The following RGS6 variants were observed in gnomAD, a reference collection of about 807,000 sequenced individuals.
The protein encoded by RGS6 is regulator of G protein signaling 6.
RGS6 carries 30 observed loss-of-function variants against 78.5 expected under a neutral mutation model. The ratio of observed to expected loss-of-function variants is 0.38; its 90% CI spans 0.29 to 0.52. RGS6 has a LOEUF of 0.52. RGS6 is among the 20% of genes least tolerant of loss of function. RGS6 has a pLI of 0.85. For missense variants in RGS6, 495 were observed against 609.7 expected, an observed-to-expected ratio of 0.81 and a Z score of 1.98; for synonymous variants, 206 against 206.0, an observed-to-expected ratio of 1.00 and a Z score of 0.00.
At chr14:72,625,378 G>C in the RGS6 span, among the ~76,000 whole-genome samples, 1 of 151,796 alleles carries the variant, frequency 6.6e-6, no homozygotes, top group South Asian at 2.1e-4. Context: ...TGGTCATTAC[G>C]GGTTCCTTCA....
At chr14:72,496,867 C>G (rs2096651919) in intron 13 of RGS6, among the ~76,000 whole-genome samples, 1 of 151,936 alleles carries the variant, frequency 6.6e-6, no homozygotes, top group Admixed American at 6.6e-5. Context: ...TATATATAGT[C>G]CAATAATTTT....
At chr14:72,096,280 T>TAAA (rs34691700) in intron 2 of RGS6, among the ~76,000 whole-genome samples, 1 of 144,168 alleles carries the variant, frequency 6.9e-6, no homozygotes, top group African/African-American at 2.5e-5. Context: ...GACTCTGTCT[T>TAAA]AAAAAAAAAA....
intron 3 of RGS6, among the ~76,000 whole-genome samples, chr14:72,444,586 G>C (rs555906287): frequency 6.6e-6 from 1 of 152,228 alleles, no homozygotes; most frequent in East Asian, 1.9e-4. Context: ...CCTCAGCGTG[G>C]GATCTACTCC....
At chr14:71,981,545 G>A (rs1384015495) in intron 2 of RGS6, among the ~76,000 whole-genome samples, 27 of 151,060 alleles carry the variant, frequency 1.8e-4, no homozygotes, top group Non-Finnish European at 2.2e-4. Flanking sequence ...TGCCCCTGCT[G>A]GGGGGTGCCT....
chr14:72,258,229 C>T (rs989939451), intron 2 of RGS6, among the ~76,000 whole-genome samples: 2 of 152,218 alleles, frequency 1.3e-5, no homozygotes, highest in Admixed American at 1.3e-4. Context: ...CTATGGTATA[C>T]ACCACTATAC....
intron 2 of RGS6, among the ~76,000 whole-genome samples, chr14:72,198,189 C>T (rs974979512): frequency 6.6e-6 from 1 of 151,990 alleles, no homozygotes; most frequent in Non-Finnish European, 1.5e-5. Flanking sequence ...GGCGAAACCC[C>T]ATCTCTACAA....
intron 2 of RGS6, among the ~76,000 whole-genome samples, chr14:71,996,978 A>T (rs1325212596): frequency 6.6e-6 from 1 of 152,152 alleles, no homozygotes; most frequent in Non-Finnish European, 1.5e-5. Flanking sequence ...CTTAGTTTTT[A>T]CATGATGAGG....
intron 2 of RGS6, among the ~76,000 whole-genome samples, chr14:72,110,273 G>A (rs1250261017): frequency 6.6e-6 from 1 of 152,194 alleles, no homozygotes; most frequent in East Asian, 1.9e-4. Flanking sequence ...CTCAGAGTAT[G>A]TTGTCCAAAA....
chr14:72,381,431 A>G lies in RGS6; in HGVS notation c.184+29237A>G, dbSNP rs140080751. ...CATAAATATGTACAATTTTTACATC[A>G]ATTTTTTAAATAAAATAAAACAACT... On this transcript the variant is annotated intron_variant, in intron 3 of 17. Transcript: ENST00000553525. Among the ~76,000 whole-genome samples the G allele has an allele frequency of 2.4e-3, 361 of 152,222 alleles. 3 individuals are homozygous for G. Among genetic ancestry groups the G allele is most frequent in the African/African-American group, 7.4e-3 (309 of 41,564 alleles).
chr14:71,988,429 G>A (rs1050541430), intron 2 of RGS6, among the ~76,000 whole-genome samples: 4 of 152,094 alleles, frequency 2.6e-5, no homozygotes, highest in Admixed American at 2.0e-4. Context: ...ATTTTGCAAT[G>A]GTTGAAAAAC....
chr14:72,550,912 T>G (rs1036921824), intron 17 of RGS6, among the ~76,000 whole-genome samples: 1 of 152,148 alleles, frequency 6.6e-6, no homozygotes, highest in African/African-American at 2.4e-5. Context: ...CAATCTCAGC[T>G]CACTGCAACC....
At chr14:72,553,670 AACTCTCTTC>A (rs2097535441) in intron 17 of RGS6, among the ~76,000 whole-genome samples, 1 of 152,240 alleles carries the variant, frequency 6.6e-6, no homozygotes, top group African/African-American at 2.4e-5. Context: ...TTGACCCAGT[AACTCTCTTC>A]TCCTAGTCCC....
chr14:72,198,937 C>T (rs1244792670), intron 2 of RGS6, among the ~76,000 whole-genome samples: 1 of 152,244 alleles, frequency 6.6e-6, no homozygotes. Context: ...ACAGAAATTA[C>T]TTCAGAAACG....
intron 15 of RGS6, among the ~76,000 whole-genome samples, chr14:72,529,908 G>A (rs902381107): frequency 2.6e-5 from 4 of 152,204 alleles, no homozygotes; most frequent in African/African-American, 4.8e-5. Context: ...ATTAGAGGCC[G>A]ATTTGTCTTA....
At chr14:72,334,297 G>C (rs1042903447) in intron 2 of RGS6, among the ~76,000 whole-genome samples, 8 of 152,220 alleles carry the variant, frequency 5.3e-5, no homozygotes, top group Admixed American at 2.0e-4. Context: ...TGGGAGCTGG[G>C]CCAAGCACAG....
chr14:72,238,627 G>A (rs550014793), intron 2 of RGS6, among the ~76,000 whole-genome samples: 1 of 152,066 alleles, frequency 6.6e-6, no homozygotes, highest in South Asian at 2.1e-4. Context: ...TTGAGGTGAG[G>A]GGAGGGGCAG....
At chr14:72,372,224 C>T (rs6574068) in intron 3 of RGS6, among the ~76,000 whole-genome samples, 89,379 of 152,052 alleles carry the variant, frequency 0.59, 28,333 homozygotes, top group African/African-American at 0.84. Flanking sequence ...GAAGTTATTG[C>T]TGTATCATTT....
intron 3 of RGS6, 137 bp from the exon 4 acceptor site, chr14:72,454,391 C>G: frequency 1.2e-6 from 1 of 826,508 alleles, no homozygotes; most frequent in Non-Finnish European, 2.1e-6. Flanking sequence ...TTGGTTAGGA[C>G]AAAAAAAAGT....
the RGS6 span, among the ~76,000 whole-genome samples, chr14:71,873,589 T>C: frequency 4.6e-5 from 7 of 152,140 alleles, no homozygotes; most frequent in Admixed American, 4.6e-4. Context: ...CCATTCTGTA[T>C]ATTGCCTGTT....
Sources: allele counts gnomAD v4.1 joint callset (sites outside exome capture counted in the v4.1 genomes callset), GRCh38; gene constraint gnomAD v4.1.1; transcripts MANE v1.5; gene names NCBI Gene and HGNC (gene_info 2026-07-23, HGNC 2026-07-21).